Variants in PTBP3 observed in about 807,000 individuals in gnomAD.
PTBP3 encodes polypyrimidine tract-binding protein 3.
A neutral mutation model predicts 58.7 loss-of-function variants in PTBP3; 20 were observed. The ratio of observed to expected loss-of-function variants is 0.34; its 90% CI spans 0.24 to 0.50. PTBP3 has a LOEUF of 0.50. Ranked by LOEUF, PTBP3 falls within the 20% of genes least tolerant of loss-of-function variation. The probability of loss-of-function intolerance (pLI) is 0.98; values close to 1 mark genes in which losing one functional copy is unlikely to be tolerated. For missense variants in PTBP3, 509 were observed against 637.2 expected, an observed-to-expected ratio of 0.80 and a Z score of 2.17; for synonymous variants, 185 against 219.8, an observed-to-expected ratio of 0.84 and a Z score of 1.40.
intron 4 of PTBP3, among the ~76,000 whole-genome samples, chr9:112,265,058 A>T (rs1417165845): frequency 2.6e-5 from 4 of 152,190 alleles, no homozygotes; most frequent in Non-Finnish European, 5.9e-5. Flanking sequence ...TCTCAAATTA[A>T]CTTACAACAT....
chr9:112,306,471 A>C (rs1829217332), intron 1 of PTBP3, among the ~76,000 whole-genome samples: 1 of 151,240 alleles, frequency 6.6e-6, no homozygotes, highest in Non-Finnish European at 1.5e-5. Context: ...AAAAAAAAAA[A>C]CACTATTCTT....
chr9:112,239,120 T>C (rs545385348), intron 7 of PTBP3, among the ~76,000 whole-genome samples: 2 of 152,162 alleles, frequency 1.3e-5, no homozygotes, highest in Non-Finnish European at 2.9e-5. Flanking sequence ...TAATTTCTTC[T>C]ATTATGTAAG....
At chr9:112,253,404 G>C (rs1836212936) in intron 5 of PTBP3, among the ~76,000 whole-genome samples, 1 of 152,172 alleles carries the variant, frequency 6.6e-6, no homozygotes, top group African/African-American at 2.4e-5. Context: ...CCTTTCTGAA[G>C]TGTCTTTTGA....
chr9:112,255,406 G>C (rs1486894462), intron 5 of PTBP3, among the ~76,000 whole-genome samples: 2 of 152,036 alleles, frequency 1.3e-5, no homozygotes, highest in East Asian at 3.8e-4. Flanking sequence ...ATCACTTATG[G>C]CAAGACATGA....
chr9:112,225,369 C>T (rs901094018), intron 12 of PTBP3, among the ~76,000 whole-genome samples: 2 of 152,068 alleles, frequency 1.3e-5, no homozygotes, highest in Non-Finnish European at 2.9e-5. Context: ...ATAATGCCAA[C>T]AACAACATAG....
chr9:112,224,274 T>C (rs1834901921), intron 12 of PTBP3, 64 bp from the exon 13 acceptor site: 2 of 990,568 alleles, frequency 2.0e-6, no homozygotes, highest in Admixed American at 2.6e-5. Context: ...AGATTAACTC[T>C]TGCAATCATC....
intron 2 of PTBP3, among the ~76,000 whole-genome samples, chr9:112,289,222 T>TTCTTTTTGTA (rs2132271944): frequency 6.6e-6 from 1 of 152,230 alleles, no homozygotes; most frequent in East Asian, 1.9e-4. Flanking sequence ...TCCAATAACC[T>TTCTTTTTGTA]CCAGGATCAT....
Position 112,232,089 on chromosome 9 carries a change from T to A in PTBP3, c.1020+10A>T. 6.2e-7 allele frequency: 1 copy of A among 1,602,388 alleles called. No homozygotes were observed. The highest frequency in any genetic ancestry group is 1.1e-5 in the South Asian group (1 of 88,566). Reference sequence around the variant, plus strand: ...GAAAGACTATTTACATATAATACTTTTCAACTCACATCAGGATTGAGATTT... The same window carrying A: ...GAAAGACTATTTACATATAATACTTATCAACTCACATCAGGATTGAGATTT... On this transcript the variant is annotated intron_variant, in intron 9 of 13. Transcript: ENST00000374257.
chr9:112,362,220 G>C, the PTBP3 span, among the ~76,000 whole-genome samples: 1 of 152,146 alleles, frequency 6.6e-6, no homozygotes, highest in Non-Finnish European at 1.5e-5. Flanking sequence ...AGGCTGAGAG[G>C]GGAGGATAAC....
At chr9:112,332,771 A>C (rs1377050063) in intron 1 of PTBP3, 1 of 1,612,384 alleles carries the variant, frequency 6.2e-7, no homozygotes. Context: ...CTCGTACATC[A>C]TATTTTACAT....
the PTBP3 span, among the ~76,000 whole-genome samples, chr9:112,362,197 T>C: frequency 6.6e-6 from 1 of 152,070 alleles, no homozygotes; most frequent in African/African-American, 2.4e-5. Context: ...GTCTGTAGTC[T>C]CAGCTACTCA....
intron 1 of PTBP3, among the ~76,000 whole-genome samples, chr9:112,312,414 T>C (rs189433464): frequency 1.5e-4 from 22 of 151,440 alleles, no homozygotes; most frequent in African/African-American, 4.1e-4. Flanking sequence ...AGAGGATCAC[T>C]TGAGCCCAGG....
At chr9:112,270,928 G>A (rs547984000) in intron 3 of PTBP3, among the ~76,000 whole-genome samples, 3 of 152,034 alleles carry the variant, frequency 2.0e-5, no homozygotes, top group Admixed American at 2.0e-4. Flanking sequence ...AGCAATCCGC[G>A]GCTCACTGCA....
At chr9:112,308,351 T>TTA (rs1564452502) in intron 1 of PTBP3, among the ~76,000 whole-genome samples, 1 of 135,096 alleles carries the variant, frequency 7.4e-6, no homozygotes, top group Non-Finnish European at 1.6e-5. Flanking sequence ...TCCTTTTATT[T>TTA]AAAAAAAAAA....
chr9:112,221,676 CATGAGT>C lies in PTBP3; in HGVS notation c.*2169_*2174del, dbSNP rs1834812981. On this transcript the variant is annotated 3_prime_UTR_variant, in exon 14 of 14. Transcript: ENST00000374257. ...AACTAAAAACTCCCACAACTACATA[CATGAGT>C]ATATCTATCTATTCAGCCAAACTGA... 3 of 985,264 alleles carry C rather than the reference CATGAGT, an allele frequency of 3.0e-6. No homozygotes were observed. Among genetic ancestry groups the C allele is most frequent in the Non-Finnish European group, 3.6e-6 (3 of 829,782 alleles). The allele number at this position is 985,264 out of a possible 1,614,324, so 61.0% of individuals were successfully genotyped here. A position where few individuals can be genotyped will look rare whatever the true frequency, so the allele number is the denominator to read the frequency against.
In PTBP3 at chr9:112,232,115, G is replaced by C. The variant is rs144684166; in HGVS notation, c.1004C>G (p.Thr335Arg). The change falls in exon 9 of 14, where the codon ACA (threonine) becomes AGA (arginine). Residue 335 changes from threonine (T) to arginine (R), a missense_variant. Thr to Arg is a moderately conservative substitution (Grantham distance 71). This residue lies in a region of PTBP3 where 121 missense variants were observed against 114.8 expected (regional missense o/e 1.05). Transcript: ENST00000374257. The part of the protein sequence containing the change: ...GIPGNSVLLV[T>R]NLNPDLITPH... ...TCAACTCACATCAGGATTGAGATTT[G>C]TGACGAGTAGAACAGAATTTCCTGG... 498 of 1,611,738 alleles carry C rather than the reference G, an allele frequency of 3.1e-4. No individual in the cohort carries two copies. The highest frequency in any genetic ancestry group is 3.8e-4 in the Non-Finnish European group (444 of 1,179,376).
rs990643058 is a variant in PTBP3 at position 112,222,791 on chromosome 9, A to G, written c.*1060T>C. The stretch of plus-strand genomic sequence containing the variant: ...CTAACCTATTGTATCTTAAGCACAT[A>G]ATAAGGCACATAATAAGAAATTAAG... On this transcript the variant is annotated 3_prime_UTR_variant, in exon 14 of 14. Transcript: ENST00000374257. 11 of 919,558 alleles carry G rather than the reference A, an allele frequency of 1.2e-5. No homozygotes were observed. Among genetic ancestry groups the G allele is most frequent in the Admixed American group, 6.2e-5 (1 of 16,162 alleles). 57.0% of individuals were successfully genotyped at this position (919,558 alleles called of 1,614,324 possible).
chr9:112,361,893 T>C, the PTBP3 span, among the ~76,000 whole-genome samples: 3 of 152,222 alleles, frequency 2.0e-5, no homozygotes, highest in African/African-American at 7.2e-5. Flanking sequence ...CCACATCCCA[T>C]CCGACACTTG....
At chr9:112,330,316 T>C (rs1830316735) in intron 1 of PTBP3, 1 of 692,372 alleles carries the variant, frequency 1.4e-6, no homozygotes, top group African/African-American at 1.9e-5. Flanking sequence ...GGTCTACTTA[T>C]TTTGGAGCTA....
Sources: gnomAD v4.1 joint callset for allele counts (sites outside exome capture counted in the v4.1 genomes callset) on GRCh38, gnomAD v4.1.1 for gene constraint, gnomAD v4.1.1 regional missense constraint, MANE v1.5 for transcripts, NCBI Gene and HGNC (gene_info 2026-07-23, HGNC 2026-07-21) for gene names.